DOCK5: variants seen among roughly 807,000 people sequenced by gnomAD.
The protein encoded by DOCK5 is dedicator of cytokinesis protein 5.
DOCK5 carries 142 observed loss-of-function variants against 251.8 expected under a neutral mutation model. The observed-to-expected ratio is 0.56, with a 90% confidence interval of 0.49 to 0.65. DOCK5 has a LOEUF of 0.65. Ranked by LOEUF, DOCK5 falls within the 30% of genes least tolerant of loss-of-function variation. DOCK5 has a pLI of 0.00. For synonymous variants in DOCK5, 842 were observed against 835.5 expected (o/e 1.01, Z -0.13); for missense variants, 2,111 against 2,312.3 (o/e 0.91, Z 1.79).
chr8:25,250,745 A>G (rs529577250), intron 2 of DOCK5, among the ~76,000 whole-genome samples: 1 of 152,338 alleles, frequency 6.6e-6, no homozygotes, highest in East Asian at 1.9e-4. Flanking sequence ...AGTAAACAAA[A>G]CAATTCAGAT....
Position 25,372,594 on chromosome 8 carries a change from C to G in DOCK5, c.3560C>G (p.Ser1187Cys). 6.3e-7 allele frequency: 1 copy of G among 1,594,762 alleles called. No individual in the cohort carries two copies. The highest frequency in any genetic ancestry group is 8.5e-7 in the Non-Finnish European group (1 of 1,173,672). Residue 1187 changes from serine to cysteine, a missense_variant, in exon 35 of 52, where the codon TCC becomes TGC. Ser to Cys is a moderately radical substitution (Grantham distance 112). Coordinates refer to ENST00000276440, the MANE Select transcript of DOCK5 (RefSeq NM_024940.8). ...LEHCRKHKYL[S>C]SSGEVFALLV... Reference sequence around the variant, plus strand: ...CATTGCCGGAAACACAAATACCTCTCCAGCTCTGGGGAGGTCTTCGCCCTC... The same window carrying G: ...CATTGCCGGAAACACAAATACCTCTGCAGCTCTGGGGAGGTCTTCGCCCTC...
intron 2 of DOCK5, 151 bp from the exon 3 acceptor site, chr8:25,268,694 C>T (rs915760743): frequency 4.6e-5 from 29 of 630,496 alleles, no homozygotes; most frequent in Non-Finnish European, 6.8e-5. Context: ...GTGTAATAAA[C>T]TAAAACATTC....
rs57876180 is a variant in DOCK5 at position 25,314,683 on chromosome 8, T to TATCCATCC, written c.1319-2306_1319-2299dup. Among the ~76,000 whole-genome samples the TATCCATCC allele has an allele frequency of 6.8e-3, 95 of 13,922 alleles. 3 individuals carry two copies. The South Asian group carries it at 0.1, about 15-fold the overall frequency. 9.1% of individuals were successfully genotyped at this position (13,922 alleles called of 152,430 possible). A position where few individuals can be genotyped will look rare whatever the true frequency, so the allele number is the denominator to read the frequency against. ...TCCAACCTCTATCCATCCATGTATC[T>TATCCATCC]ATCCATCCATCCATCCATCCATCCA... On this transcript the variant is annotated intron_variant, in intron 13 of 51. Coordinates refer to ENST00000276440, the MANE Select transcript of DOCK5 (RefSeq NM_024940.8).
chr8:25,224,493 TA>T (rs1215330772), intron 1 of DOCK5, among the ~76,000 whole-genome samples: 2 of 152,232 alleles, frequency 1.3e-5, no homozygotes, highest in African/African-American at 4.8e-5. Context: ...TGGACATTCT[TA>T]TATCCATGAG....
chr8:25,384,869 A>G (rs2117308841), intron 40 of DOCK5, among the ~76,000 whole-genome samples: 1 of 152,078 alleles, frequency 6.6e-6, no homozygotes, highest in East Asian at 2.0e-4. Context: ...GGAGGCAGAA[A>G]TTGCAATGAG....
At chr8:25,326,805 G>T (rs929698534) in intron 18 of DOCK5, among the ~76,000 whole-genome samples, 1 of 152,154 alleles carries the variant, frequency 6.6e-6, no homozygotes, top group Non-Finnish European at 1.5e-5. Context: ...TTGTAACAGG[G>T]AAATACTGGA....
At chr8:25,358,235 T>G (rs890747082) in intron 27 of DOCK5, among the ~76,000 whole-genome samples, 2 of 152,232 alleles carry the variant, frequency 1.3e-5, no homozygotes, top group Non-Finnish European at 2.9e-5. Context: ...AAACCTACAA[T>G]CATGGCAGAA....
intron 6 of DOCK5, among the ~76,000 whole-genome samples, chr8:25,295,394 A>AT (rs1270695953): frequency 2.0e-5 from 3 of 146,488 alleles, no homozygotes; most frequent in Admixed American, 6.9e-5. Flanking sequence ...TAAAAAAAAT[A>AT]AAAATAAATA....
chr8:25,399,825 G>T (rs3763519), intron 45 of DOCK5, 86 bp from the exon 46 acceptor site: 24 of 1,004,390 alleles, frequency 2.4e-5, no homozygotes, highest in Non-Finnish European at 3.5e-5. Flanking sequence ...TGGTTCTTCC[G>T]CACAGGACAC....
At position 25,213,976 on chromosome 8, in the gene DOCK5, T is replaced by C. The variant is rs1165218828; in HGVS notation, c.43+29025T>C. On this transcript the variant is annotated intron_variant, in intron 1 of 51. Transcript: ENST00000276440. Reference sequence around the variant, plus strand: ...ATTTGTGTATACATACTGAGACATCTTGGGGATGGGACCCAAGTCTAAACA... The same window carrying C: ...ATTTGTGTATACATACTGAGACATCCTGGGGATGGGACCCAAGTCTAAACA... 3.9e-5 allele frequency among the ~76,000 whole-genome samples: 6 copies of C among 152,228 alleles called. No individual in the cohort carries two copies. In the South Asian group the frequency reaches 8.3e-4, roughly 21 times the overall value.
At position 25,287,761 on chromosome 8, in the gene DOCK5, G is replaced by A. The variant is rs1030921602; in HGVS notation, c.322-4263G>A. Among the ~76,000 whole-genome samples, 5 of 152,212 alleles carry A rather than the reference G, an allele frequency of 3.3e-5. 1 individual carries two copies. The South Asian group carries it at 6.2e-4, about 19-fold the overall frequency. On this transcript the variant is annotated intron_variant, in intron 5 of 51. Coordinates refer to ENST00000276440, the MANE Select transcript of DOCK5 (RefSeq NM_024940.8). Reference sequence around the variant, plus strand: ...AGAAAAGGCTGAAGTGAGTGATGACGAGAGATAACCGAGAAGGCTTCTACA... The same window carrying A: ...AGAAAAGGCTGAAGTGAGTGATGACAAGAGATAACCGAGAAGGCTTCTACA...
intron 27 of DOCK5, among the ~76,000 whole-genome samples, chr8:25,358,364 A>G (rs1191779076): frequency 6.6e-6 from 1 of 152,172 alleles, no homozygotes; most frequent in Non-Finnish European, 1.5e-5. Context: ...CGAGACTAGC[A>G]TGAGTGTAAC....
In DOCK5 at chr8:25,374,519, A is replaced by G. The variant is rs151141593; in HGVS notation, c.3726-45A>G. On this transcript the variant is annotated intron_variant, in intron 36 of 51. Coordinates refer to ENST00000276440, the MANE Select transcript of DOCK5 (RefSeq NM_024940.8). Reference sequence around the variant, plus strand: ...CTCAAAACAGAACTAAAAAACCTATAAAACTCTCGAGTGACAAAATGCTTC... The same window carrying G: ...CTCAAAACAGAACTAAAAAACCTATGAAACTCTCGAGTGACAAAATGCTTC... 306 of 1,558,540 alleles carry G rather than the reference A, an allele frequency of 2.0e-4. 2 individuals are homozygous for G. The African/African-American group carries it at 3.8e-3, about 19-fold the overall frequency.
chr8:25,192,714 G>A (rs192728209), intron 1 of DOCK5, among the ~76,000 whole-genome samples: 5 of 152,268 alleles, frequency 3.3e-5, no homozygotes, highest in East Asian at 1.9e-4. Context: ...GTTTCACTGT[G>A]TTTCCCAGGC....
intron 1 of DOCK5, among the ~76,000 whole-genome samples, chr8:25,199,221 A>G (rs1801813173): frequency 6.6e-6 from 1 of 152,180 alleles, no homozygotes; most frequent in African/African-American, 2.4e-5. Flanking sequence ...AGGGTCATGT[A>G]TTGCTAATAA....
chr8:25,246,616 G>T lies in DOCK5; in HGVS notation c.127+2859G>T, dbSNP rs760326046. Among the ~76,000 whole-genome samples the T allele has an allele frequency of 2.6e-5, 4 of 152,078 alleles. No individual in the cohort carries two copies. The South Asian group carries it at 8.3e-4, about 32-fold the overall frequency. On this transcript the variant is annotated intron_variant, in intron 2 of 51. Transcript: ENST00000276440. ...AAATCAGCAGATGGATGCCCCAAGCGGAAAGCAGCCCCAGATGCTGAGCTG... is the reference window on the plus strand; with the variant it reads ...AAATCAGCAGATGGATGCCCCAAGCTGAAAGCAGCCCCAGATGCTGAGCTG...
At chr8:25,253,335 T>C (rs1390844068) in intron 2 of DOCK5, among the ~76,000 whole-genome samples, 2 of 151,860 alleles carry the variant, frequency 1.3e-5, no homozygotes, top group Non-Finnish European at 2.9e-5. Context: ...TGGAGGAATA[T>C]TCCCAGGAGC....
chr8:25,248,128 T>G (rs1803165784), intron 2 of DOCK5, among the ~76,000 whole-genome samples: 1 of 152,208 alleles, frequency 6.6e-6, no homozygotes, highest in African/African-American at 2.4e-5. Context: ...ACAGAGAGAT[T>G]ACTATATTGG....
chr8:25,249,016 T>A (rs1409827127), intron 2 of DOCK5, among the ~76,000 whole-genome samples: 1 of 152,182 alleles, frequency 6.6e-6, no homozygotes, highest in African/African-American at 2.4e-5. Flanking sequence ...TATCTTTTTT[T>A]TAGAGACAGG....
Sources: gnomAD v4.1 joint callset for allele counts (sites outside exome capture counted in the v4.1 genomes callset) on GRCh38, gnomAD v4.1.1 for gene constraint, MANE v1.5 for transcripts, NCBI Gene and HGNC (gene_info 2026-07-23, HGNC 2026-07-21) for gene names.